OTOGL: variants seen among roughly 807,000 people sequenced by gnomAD.
OTOGL encodes otogelin-like protein.
A neutral mutation model predicts 318.5 loss-of-function variants in OTOGL; 285 were observed. The observed-to-expected ratio is 0.89, with a 90% CI of 0.81 to 0.99. OTOGL has a LOEUF of 0.99. OTOGL is among the 50% of genes least tolerant of loss of function. The pLI is 0.00. For missense variants in OTOGL, 2,899 were observed against 2,845.6 expected, an observed-to-expected ratio of 1.02 and a Z score of -0.43; for synonymous variants, 987 against 936.5, an observed-to-expected ratio of 1.05 and a Z score of -0.99.
intron 23 of OTOGL, among the ~76,000 whole-genome samples, chr12:80,271,214 C>A (rs2400697): frequency 0.81 from 123,729 of 151,946 alleles, 50,959 homozygotes; most frequent in East Asian, 0.9. Context: ...CCACTTGAGG[C>A]AATTTATTTG....
At chr12:80,103,341 G>C (rs751437903) in intron 1 of OTOGL, 1 of 1,443,178 alleles carries the variant, frequency 6.9e-7, no homozygotes. Context: ...CATTTTGGCC[G>C]CTCCCGCTTC....
At chr12:80,103,166 C>CT in intron 1 of OTOGL, 1 of 1,305,726 alleles carries the variant, frequency 7.7e-7, no homozygotes, top group Non-Finnish European at 1.1e-6. Context: ...CTCGTACAAC[C>CT]TGAACTTCAT....
At chr12:80,302,377 G>A (rs983251281) in intron 27 of OTOGL, among the ~76,000 whole-genome samples, 1 of 152,148 alleles carries the variant, frequency 6.6e-6, no homozygotes, top group African/African-American at 2.4e-5. Context: ...TTCCCCACAT[G>A]TAACTGAAAT....
intron 1 of OTOGL, among the ~76,000 whole-genome samples, chr12:80,155,675 T>C (rs1200893846): frequency 2.0e-5 from 3 of 152,254 alleles, no homozygotes; most frequent in African/African-American, 7.2e-5. Context: ...TTATTGACTA[T>C]AGTCACCCTG....
intron 1 of OTOGL, among the ~76,000 whole-genome samples, chr12:80,156,257 C>G (rs1873109553): frequency 6.6e-6 from 1 of 152,176 alleles, no homozygotes; most frequent in Non-Finnish European, 1.5e-5. Context: ...ACATCTTTCT[C>G]CCTTGCTGAA....
In OTOGL at chr12:80,112,705, C is replaced by CTTTTT. The variant is rs546093754; in HGVS notation, c.-20+13103_-20+13104insTTTTT. 2.0e-3 allele frequency among the ~76,000 whole-genome samples: 253 copies of CTTTTT among 128,136 alleles called. 1 individual carries two copies. Among genetic ancestry groups the CTTTTT allele is most frequent in the African/African-American group, 2.6e-3 (83 of 32,158 alleles). The allele number at this position is 128,136 out of a possible 152,430, so 84.1% of individuals were successfully genotyped here. A position where few individuals can be genotyped will look rare whatever the true frequency, so the allele number is the denominator to read the frequency against. On this transcript the variant is annotated intron_variant, in intron 1 of 58. Transcript: ENST00000547103. ...ATTAGGGATATTTGCCTGAAATTTT[C>CTTTTT]TTTCTTTTTTTTTTTTTTGTTGTGT... is the stretch of plus-strand genomic sequence containing the variant.
In OTOGL at chr12:80,241,827, C is replaced by G. The variant is rs1445159657; in HGVS notation, c.1052+2388C>G. Among the ~76,000 whole-genome samples, 3 of 152,202 alleles carry G rather than the reference C, an allele frequency of 2.0e-5. No individual in the cohort carries two copies. The East Asian group carries it at 5.8e-4, about 29-fold the overall frequency. ...ATCGTGGCTCTGCTCCATGAGTTTT[C>G]CAGTGACTGAATGATCTTGTTGCTA... is the stretch of plus-strand genomic sequence containing the variant. On this transcript the variant is annotated intron_variant, in intron 11 of 58. Coordinates refer to ENST00000547103, the MANE Select transcript of OTOGL (RefSeq NM_001378609.3).
At chr12:80,256,894 TG>T (rs1882099257) in intron 17 of OTOGL, among the ~76,000 whole-genome samples, 2 of 151,970 alleles carry the variant, frequency 1.3e-5, no homozygotes, top group African/African-American at 4.8e-5. Flanking sequence ...TTGAAGGGGA[TG>T]GGGAAAGTGT....
At chr12:80,361,301 A>G (rs1890225781) in intron 52 of OTOGL, 1 of 152,014 alleles carries the variant, frequency 6.6e-6, no homozygotes, top group Non-Finnish European at 1.5e-5. Flanking sequence ...TGTTGTCTCA[A>G]ATGACAGGAC....
intron 10 of OTOGL, 35 bp downstream of exon 10, chr12:80,239,013 C>T (rs748244709): frequency 1.3e-6 from 2 of 1,567,748 alleles, no homozygotes; most frequent in South Asian, 2.4e-5. Flanking sequence ...GCATGTCAGA[C>T]AGAATACACA....
intron 9 of OTOGL, among the ~76,000 whole-genome samples, chr12:80,235,389 T>A (rs1482662161): frequency 7.0e-6 from 1 of 141,860 alleles, no homozygotes. Flanking sequence ...TGCTTGAACA[T>A]GGGAGGTGGA....
intron 11 of OTOGL, among the ~76,000 whole-genome samples, chr12:80,249,908 G>C (rs997520961): frequency 1.3e-5 from 2 of 152,140 alleles, no homozygotes; most frequent in Non-Finnish European, 2.9e-5. Flanking sequence ...GCAATATTCG[G>C]GTGGGAGTGA....
intron 57 of OTOGL, among the ~76,000 whole-genome samples, chr12:80,373,666 C>G: frequency 6.6e-6 from 1 of 150,444 alleles, no homozygotes; most frequent in Middle Eastern, 3.6e-3. Context: ...TATATACTAT[C>G]TATATACAAT....
At chr12:80,337,136 A>T in intron 42 of OTOGL, 132 bp downstream of exon 42, 4 of 683,836 alleles carry the variant, frequency 5.8e-6, no homozygotes, top group Non-Finnish European at 9.6e-6. Context: ...CATTTCATAG[A>T]CAATATAAAA....
In OTOGL at chr12:80,255,023, CTTT is replaced by C. The variant is rs761399547; in HGVS notation, c.1442-8_1442-6del. 1.2e-5 allele frequency: 13 copies of C among 1,058,870 alleles called. No homozygotes were observed. Among genetic ancestry groups the C allele is most frequent in the South Asian group, 1.0e-4 (5 of 48,728 alleles). 65.6% of individuals were successfully genotyped at this position (1,058,870 alleles called of 1,614,324 possible). On this transcript the variant is annotated splice_polypyrimidine_tract_variant and intron_variant, in intron 15 of 58. Transcript: ENST00000547103. ...ACCTCCTTTTCTTTTTCTTTGTTTT[CTTT>C]TTTTTTTTGGCAGTTCAATGCTCAG...
intron 38 of OTOGL, among the ~76,000 whole-genome samples, chr12:80,333,314 T>A (rs192302741): frequency 6.6e-6 from 1 of 151,510 alleles, no homozygotes; most frequent in East Asian, 1.9e-4. Context: ...TAAGTGTGAT[T>A]CCTTAATAAA....
chr12:80,146,106 C>T lies in OTOGL; in HGVS notation c.-20+46501C>T, dbSNP rs1482932558. Among the ~76,000 whole-genome samples, 175 of 149,404 alleles carry T rather than the reference C, an allele frequency of 1.2e-3. 6 individuals carry two copies. The highest frequency in any genetic ancestry group is 2.7e-3 in the African/African-American group (103 of 38,836). ...CTTCCAACACCCTGTTGAATAGGAG[C>T]GGTGAGAGAGGGCATCCCTGTCTTG... On this transcript the variant is annotated intron_variant, in intron 1 of 58. Transcript: ENST00000547103.
intron 1 of OTOGL, among the ~76,000 whole-genome samples, chr12:80,193,143 CAA>C (rs1875813669): frequency 6.6e-6 from 1 of 152,064 alleles, no homozygotes; most frequent in South Asian, 2.1e-4. Flanking sequence ...TTCTTTAAGA[CAA>C]AGAATTCTTA....
At chr12:80,207,623 T>C (rs2137300097) in intron 1 of OTOGL, among the ~76,000 whole-genome samples, 1 of 152,308 alleles carries the variant, frequency 6.6e-6, no homozygotes, top group South Asian at 2.1e-4. Flanking sequence ...TATGGGAAAC[T>C]GTGAAGGCAA....
Sources: gnomAD v4.1 joint callset for allele counts (sites outside exome capture counted in the v4.1 genomes callset) on GRCh38, gnomAD v4.1.1 for gene constraint, MANE v1.5 for transcripts, NCBI Gene and HGNC (gene_info 2026-07-23, HGNC 2026-07-21) for gene names.